The following DISP1 variants were observed in gnomAD, a reference collection of about 807,000 sequenced individuals.
DISP1 encodes protein dispatched homolog 1.
DISP1 carries 30 observed loss-of-function variants against 37.3 expected under a neutral mutation model. The observed-to-expected ratio is 0.80, with a 90% CI of 0.60 to 1.09. The LOEUF (loss-of-function observed/expected upper bound fraction) is 1.09. DISP1 is among the 50% of genes least tolerant of loss of function. The pLI, the probability that DISP1 is intolerant of heterozygous loss-of-function variation, is 0.00. For missense variants in DISP1, 1,598 were observed against 1,879.5 expected, an observed-to-expected ratio of 0.85 and a Z score of 2.77; for synonymous variants, 634 against 690.2, an observed-to-expected ratio of 0.92 and a Z score of 1.28.
intron 7 of DISP1, among the ~76,000 whole-genome samples, chr1:222,992,651 G>C (rs1678780774): frequency 6.6e-6 from 1 of 152,074 alleles, no homozygotes; most frequent in African/African-American, 2.4e-5. Context: ...AAAGTCTAGA[G>C]GTTCAAAGTT....
At chr1:222,820,162 A>G (rs1372853744) in intron 1 of DISP1, among the ~76,000 whole-genome samples, 11 of 152,138 alleles carry the variant, frequency 7.2e-5, no homozygotes, top group Non-Finnish European at 1.0e-4. Context: ...GATTTTCTGT[A>G]AGGAGGGTGA....
chr1:222,983,190 C>A, intron 4 of DISP1, 81 bp downstream of exon 4: 1 of 1,110,054 alleles, frequency 9.0e-7, no homozygotes, highest in Non-Finnish European at 1.4e-6. Flanking sequence ...CCGTATTTTG[C>A]TGTTCTTTTC....
intron 1 of DISP1, among the ~76,000 whole-genome samples, chr1:222,890,005 A>G (rs988827310): frequency 2.6e-5 from 4 of 152,200 alleles, no homozygotes; most frequent in Non-Finnish European, 5.9e-5. Context: ...TTACTTTAGC[A>G]TATGAAAGGT....
At position 223,004,279 on chromosome 1, in the gene DISP1, G is replaced by A. The variant is rs756014852; in HGVS notation, c.2882G>A (p.Gly961Asp). 20 of 1,613,972 alleles carry A rather than the reference G, an allele frequency of 1.2e-5. No individual in the cohort carries two copies. Among genetic ancestry groups the A allele is most frequent in the Non-Finnish European group, 1.7e-5 (20 of 1,179,990 alleles). ...ISSELSSAPE[G>D]LSNGWFVSNL... Reference sequence around the variant, plus strand: ...AGTGAGCTGAGTTCGGCCCCTGAAGGCCTCAGCAATGGTTGGTTTGTCAGC... The same window carrying A: ...AGTGAGCTGAGTTCGGCCCCTGAAGACCTCAGCAATGGTTGGTTTGTCAGC... Residue 961 changes from glycine (G) to aspartate (D), a missense_variant, in exon 9 of 9, where the codon GGC (glycine) becomes GAC (aspartate). Physicochemically the swap from Gly to Asp is moderately conservative, Grantham distance 94. Coordinates refer to ENST00000675850, the MANE Select transcript of DISP1 (RefSeq NM_001377229.1). The surrounding 1 kb of genome is among the most constrained non-coding windows in gnomAD (Gnocchi z 4.9).
intron 2 of DISP1, among the ~76,000 whole-genome samples, chr1:222,940,495 C>T (rs947575194): frequency 1.7e-4 from 26 of 152,156 alleles, no homozygotes; most frequent in African/African-American, 6.0e-4. Flanking sequence ...GACACAGATC[C>T]AAACCCTATC....
intron 1 of DISP1, among the ~76,000 whole-genome samples, chr1:222,887,486 GTTTTTTTTTTT>G (rs940346379): frequency 9.6e-5 from 8 of 83,100 alleles, no homozygotes; most frequent in African/African-American, 3.4e-4. Context: ...CATTGTTTTT[GTTTTTTTTTTT>G]TTTTTTTTTT....
At chr1:222,989,417 A>G (rs1678522965) in intron 4 of DISP1, 1 of 985,442 alleles carries the variant, frequency 1.0e-6, no homozygotes, top group Non-Finnish European at 1.2e-6. Flanking sequence ...CAGTTTAGTC[A>G]GCTTCTGTTG....
chr1:222,940,899 T>C (rs192386499), intron 2 of DISP1, among the ~76,000 whole-genome samples: 2 of 152,356 alleles, frequency 1.3e-5, no homozygotes, highest in African/African-American at 4.8e-5. Flanking sequence ...TGATCTCATC[T>C]AGTGATTGTT....
intron 1 of DISP1, among the ~76,000 whole-genome samples, chr1:222,836,491 A>AAG (rs1270360944): frequency 6.6e-6 from 1 of 152,168 alleles, no homozygotes; most frequent in African/African-American, 2.4e-5. Context: ...GGATAGTGAA[A>AAG]AGAGCACTGC....
chr1:222,850,632 C>T (rs1441840182), intron 1 of DISP1, among the ~76,000 whole-genome samples: 4 of 152,058 alleles, frequency 2.6e-5, no homozygotes, highest in East Asian at 1.9e-4. Context: ...CTGTTGTTTC[C>T]TTCTTTGTGT....
chr1:222,963,832 T>C (rs1676253987), intron 3 of DISP1, among the ~76,000 whole-genome samples: 1 of 152,048 alleles, frequency 6.6e-6, no homozygotes, highest in African/African-American at 2.4e-5. Context: ...CCATGGCACA[T>C]GTATACCTAT....
chr1:222,843,572 GA>G lies in DISP1; in HGVS notation c.-159+28497del, dbSNP rs201458403. Among the ~76,000 whole-genome samples the G allele has an allele frequency of 3.1e-4, 47 of 149,914 alleles. No individual in the cohort carries two copies. In the East Asian group the frequency reaches 7.5e-3, roughly 24 times the overall value. ...CTTCTCTAATGAAGGATGGGGGGGG[GA>G]AATTTCTTTTGAGCAGTGATAAAAA... On this transcript the variant is annotated intron_variant, in intron 1 of 8. Coordinates refer to ENST00000675850, the MANE Select transcript of DISP1 (RefSeq NM_001377229.1).
chr1:223,003,690 G>T lies in DISP1; in HGVS notation c.2293G>T (p.Asp765Tyr). The change falls in exon 9 of 9, where the codon GAT becomes TAT. Residue 765 changes from aspartate (D) to tyrosine (Y), a missense_variant. Transcript: ENST00000675850. The surrounding 1 kb of genome is among the most constrained non-coding windows in gnomAD (Gnocchi z 4.3). The stretch of plus-strand genomic sequence containing the variant: ...GTCGTCCCATCCTTTTGAGCGTTAT[G>T]ATGCTGAATACAAAAAGCTTTTCAT... ...FRSSHPFERY[D>Y]AEYKKLFMFE... is the part of the protein sequence containing the mutation. 1 of 1,614,136 alleles carries T rather than the reference G, an allele frequency of 6.2e-7. No homozygotes were observed. Among genetic ancestry groups the T allele is most frequent in the Non-Finnish European group, 8.5e-7 (1 of 1,180,030 alleles).
intron 3 of DISP1, among the ~76,000 whole-genome samples, chr1:222,944,776 A>G (rs1021081703): frequency 1.3e-5 from 2 of 152,218 alleles, no homozygotes; most frequent in Non-Finnish European, 2.9e-5. Context: ...TGCTCAGCAT[A>G]ATATTTTTGA....
intron 1 of DISP1, among the ~76,000 whole-genome samples, chr1:222,874,897 T>G (rs1008493959): frequency 3.9e-5 from 6 of 152,248 alleles, no homozygotes; most frequent in Admixed American, 1.3e-4. Context: ...GTTTTATCTA[T>G]CTTTGGTCTT....
chr1:222,936,201 A>G (rs1235443773), intron 2 of DISP1, among the ~76,000 whole-genome samples: 1 of 152,186 alleles, frequency 6.6e-6, no homozygotes, highest in Non-Finnish European at 1.5e-5. Flanking sequence ...ACCATGCCAT[A>G]TAGCCTAGCT....
intron 3 of DISP1, among the ~76,000 whole-genome samples, chr1:222,975,051 A>G (rs1319638228): frequency 6.6e-6 from 1 of 152,204 alleles, no homozygotes; most frequent in Non-Finnish European, 1.5e-5. Flanking sequence ...AAATTTGGTT[A>G]CTACCATAAA....
intron 3 of DISP1, among the ~76,000 whole-genome samples, chr1:222,947,521 G>A (rs569833886): frequency 2.0e-5 from 3 of 152,146 alleles, no homozygotes; most frequent in African/African-American, 7.2e-5. Context: ...TATGAGCTTG[G>A]GTTCTGTTCA....
At position 223,005,202 on chromosome 1, in the gene DISP1, CAG is replaced by C; in HGVS notation, c.3809_3810del (p.Arg1270MetfsTer2). 6.2e-7 allele frequency: 1 copy of C among 1,614,178 alleles called. No homozygotes were observed. The highest frequency in any genetic ancestry group is 8.5e-7 in the Non-Finnish European group (1 of 1,180,018). ...CGTGTGTCACTTCTTCTCTCTGAAT[CAG>C]AGATGTAGCTGCCCAGATGCCTACA... The part of the protein sequence containing the change: ...HTVCHFFSLN[Q>X]RCSCPDAYKH... On this transcript the variant is annotated frameshift_variant, in exon 9 of 9. Transcript: ENST00000675850. LOFTEE classifies it low-confidence loss of function (END_TRUNC).
Sources: gnomAD v4.1 joint callset for allele counts (sites outside exome capture counted in the v4.1 genomes callset) on GRCh38, gnomAD v4.1.1 for gene constraint, Gnocchi (gnomAD v3.1) non-coding constraint, MANE v1.5 for transcripts, NCBI Gene and HGNC (gene_info 2026-07-23, HGNC 2026-07-21) for gene names.